The following SLC4A8 variants were observed in gnomAD, a reference collection of about 807,000 sequenced individuals.
The protein encoded by SLC4A8 is solute carrier family 4 member 8.
Under a neutral mutation model 125.0 loss-of-function variants are expected in SLC4A8, and 40 were observed. The ratio of observed to expected loss-of-function variants is 0.32; its 90% confidence interval spans 0.25 to 0.42. SLC4A8 has a LOEUF of 0.42. Ranked by LOEUF, SLC4A8 falls within the 10% of genes least tolerant of loss-of-function variation. SLC4A8 has a pLI of 1.00. For missense variants in SLC4A8, 863 were observed against 1,355.1 expected (o/e 0.64, Z 5.70); for synonymous variants, 456 against 476.0 (o/e 0.96, Z 0.55).
chr12:51,503,259 C>T (rs1449473588), intron 22 of SLC4A8, among the ~76,000 whole-genome samples: 2 of 149,952 alleles, frequency 1.3e-5, no homozygotes, highest in East Asian at 2.0e-4. Context: ...GAGTCTCACC[C>T]TGTTGCCCAG....
chr12:51,445,731 C>G (rs1056038949), intron 2 of SLC4A8, among the ~76,000 whole-genome samples: 7 of 152,166 alleles, frequency 4.6e-5, no homozygotes, highest in African/African-American at 1.7e-4. Flanking sequence ...GATGTCCCCT[C>G]TAATCATCTT....
chr12:51,414,013 G>A (rs1948640105), intron 1 of SLC4A8, among the ~76,000 whole-genome samples: 1 of 152,166 alleles, frequency 6.6e-6, no homozygotes, highest in Non-Finnish European at 1.5e-5. Flanking sequence ...GTTTTGGGTA[G>A]TATGGTCATT....
chr12:51,453,426 CAATGTTCAG>C (rs1950028829), intron 4 of SLC4A8, 104 bp from the exon 5 acceptor site: 2 of 1,074,184 alleles, frequency 1.9e-6, no homozygotes, highest in Non-Finnish European at 2.7e-6. Context: ...TTAGATTTTA[CAATGTTCAG>C]TATGACTATC....
At chr12:51,433,880 G>GTTTTTTTTTTTTTTTTTTTT (rs1565772475) in intron 1 of SLC4A8, among the ~76,000 whole-genome samples, 1 of 71,712 alleles carries the variant, frequency 1.4e-5, no homozygotes, top group African/African-American at 5.5e-5. Flanking sequence ...TTTTTTTTTG[G>GTTTTTTTTTTTTTTTTTTTT]TTGGTTTTTT....
chr12:51,434,037 G>C (rs1949317198), intron 1 of SLC4A8, among the ~76,000 whole-genome samples: 1 of 151,868 alleles, frequency 6.6e-6, no homozygotes, highest in African/African-American at 2.4e-5. Flanking sequence ...ACCACACCCA[G>C]CTAATTTTTG....
intron 2 of SLC4A8, chr12:51,441,163 A>G (rs539704303): frequency 2.0e-6 from 2 of 986,570 alleles, no homozygotes; most frequent in African/African-American, 1.7e-5. Flanking sequence ...TAAAATACAA[A>G]TAGTTTTAAA....
At chr12:51,483,069 T>C (rs1951070099) in intron 16 of SLC4A8, among the ~76,000 whole-genome samples, 2 of 152,096 alleles carry the variant, frequency 1.3e-5, no homozygotes, top group Admixed American at 6.6e-5. Flanking sequence ...ACCCCAGGTA[T>C]TGTTGAGTCT....
chr12:51,404,664 T>G (rs565646590), intron 1 of SLC4A8, among the ~76,000 whole-genome samples: 4 of 152,190 alleles, frequency 2.6e-5, no homozygotes, highest in Non-Finnish European at 5.9e-5. Context: ...GAGAGTCAAC[T>G]TGACCGTGAA....
chr12:51,400,165 C>T (rs1309116326), intron 1 of SLC4A8, among the ~76,000 whole-genome samples: 1 of 152,126 alleles, frequency 6.6e-6, no homozygotes, highest in Non-Finnish European at 1.5e-5. Context: ...GGCCTTTGAT[C>T]TCAAGGATTT....
rs558838706 is a variant in SLC4A8 at position 51,509,241 on chromosome 12, G to A, written c.*1803G>A. On this transcript the variant is annotated 3_prime_UTR_variant, in exon 25 of 25. Coordinates refer to ENST00000453097, the MANE Select transcript of SLC4A8 (RefSeq NM_001039960.3). Reference sequence around the variant, plus strand: ...CTCATTTCTATCACAAGGCTGTTTTGGGCACAGCCTTAGCTTCCTTTCATA... The same window carrying A: ...CTCATTTCTATCACAAGGCTGTTTTAGGCACAGCCTTAGCTTCCTTTCATA... The A allele has an allele frequency of 1.3e-5, 2 of 152,652 alleles. No individual in the cohort carries two copies. Among genetic ancestry groups the A allele is most frequent in the East Asian group, 3.9e-4 (2 of 5,188 alleles). 9.5% of individuals were successfully genotyped at this position (152,652 alleles called of 1,614,324 possible). A position where few individuals can be genotyped will look rare whatever the true frequency, so the allele number is the denominator to read the frequency against.
chr12:51,471,312 C>G lies in SLC4A8; in HGVS notation c.1684C>G (p.Leu562Val). 6.2e-7 allele frequency: 1 copy of G among 1,613,306 alleles called. No homozygotes were observed. Among genetic ancestry groups the G allele is most frequent in the Admixed American group, 1.7e-5 (1 of 60,026 alleles). Residue 562 changes from leucine to valine, a missense_variant, in exon 14 of 25, where the codon CTG becomes GTG. This residue lies in a region of SLC4A8 where 390 missense variants were observed against 634.4 expected (regional missense o/e 0.61). Coordinates refer to ENST00000453097, the MANE Select transcript of SLC4A8 (RefSeq NM_001039960.3). ...AGACTATGCTCTTTCATACCTCTCC[C>G]TGCGAGCTTGTATTGGACTGTGGAC... ...CKDYALSYLSLRACIGLWTAF... is the reference protein window; with the variant it reads ...CKDYALSYLSVRACIGLWTAF...
intron 7 of SLC4A8, among the ~76,000 whole-genome samples, chr12:51,459,147 G>A (rs993434468): frequency 6.6e-6 from 1 of 152,174 alleles, no homozygotes; most frequent in Non-Finnish European, 1.5e-5. Flanking sequence ...CCTGCCTCCA[G>A]CCTCTCCTTG....
Position 51,450,873 on chromosome 12 carries a change from C to T in SLC4A8, c.131-3C>T. ...TCTCCACAGACCTTCTGCTTCTTTC[C>T]AGGTCACAGAACTCTGTATGTGGGA... On this transcript the variant is annotated splice_region_variant and splice_polypyrimidine_tract_variant and intron_variant, in intron 2 of 24. Coordinates refer to ENST00000453097, the MANE Select transcript of SLC4A8 (RefSeq NM_001039960.3). The T allele has an allele frequency of 1.2e-6, 2 of 1,613,270 alleles. No homozygotes were observed. Among genetic ancestry groups the T allele is most frequent in the Non-Finnish European group, 1.7e-6 (2 of 1,179,622 alleles).
At chr12:51,471,652 A>G (rs1950703930) in intron 14 of SLC4A8, 120 bp downstream of exon 14, 2 of 1,134,850 alleles carry the variant, frequency 1.8e-6, no homozygotes, top group East Asian at 2.4e-5. Context: ...CCTTTAGGAA[A>G]CGGATCTCAG....
Position 51,451,272 on chromosome 12 carries a change from C to G in SLC4A8, c.277+250C>G, listed in dbSNP as rs1238512946. Reference sequence around the variant, plus strand: ...TAATTTTTTGTATTTTTGGTAGAGACCGGGTTTCACTGTGTTAGCCTGGAC... The same window carrying G: ...TAATTTTTTGTATTTTTGGTAGAGAGCGGGTTTCACTGTGTTAGCCTGGAC... On this transcript the variant is annotated intron_variant, in intron 3 of 24. Transcript: ENST00000453097. 2.0e-5 allele frequency among the ~76,000 whole-genome samples: 3 copies of G among 152,296 alleles called. No individual in the cohort carries two copies. The East Asian group carries it at 5.8e-4, about 29-fold the overall frequency.
chr12:51,462,447 C>A lies in SLC4A8; in HGVS notation c.1239C>A (p.Val413=), dbSNP rs1170447753. 6.4e-7 allele frequency: 1 copy of A among 1,572,348 alleles called. No homozygotes were observed. Among genetic ancestry groups the A allele is most frequent in the East Asian group, 2.3e-5 (1 of 44,320 alleles). ...TTAGAATTGAGCCACCCAAAAATGT[C>A]CCTTCCCAGGTAATGTATGCACATC... The part of the protein sequence containing the change: ...PSIRIEPPKN[V]PSQEKRKMPG... The change falls in exon 10 of 25, where the codon GTC becomes GTA. Residue 413 remains valine, a synonymous_variant. Transcript: ENST00000453097.
intron 19 of SLC4A8, among the ~76,000 whole-genome samples, chr12:51,490,747 G>A (rs2138401603): frequency 6.6e-6 from 1 of 152,078 alleles, no homozygotes; most frequent in Admixed American, 6.6e-5. Flanking sequence ...ACAGTGCAAT[G>A]AGAAGGAAAG....
At chr12:51,506,667 C>T in intron 24 of SLC4A8, among the ~76,000 whole-genome samples, 1 of 152,202 alleles carries the variant, frequency 6.6e-6, no homozygotes, top group East Asian at 1.9e-4. Flanking sequence ...CTCCTGGACT[C>T]AAGGGATCCT....
At chr12:51,420,371 C>A (rs1948762788), upstream of SLC4A8, among the ~76,000 whole-genome samples, 1 of 152,132 alleles carries the variant, frequency 6.6e-6, no homozygotes, top group Non-Finnish European at 1.5e-5. Flanking sequence ...AGTTAAGATG[C>A]TTTTGATGAA....
Sources: gnomAD v4.1 joint callset for allele counts (sites outside exome capture counted in the v4.1 genomes callset) on GRCh38, gnomAD v4.1.1 for gene constraint, gnomAD v4.1.1 regional missense constraint, MANE v1.5 for transcripts, NCBI Gene and HGNC (gene_info 2026-07-23, HGNC 2026-07-21) for gene names.